FOLH1: variants seen among roughly 807,000 people sequenced by gnomAD.
FOLH1 encodes the protein glutamate carboxypeptidase 2.
In FOLH1, 54 loss-of-function variants were observed where a neutral mutation model predicts 93.9. The observed-to-expected ratio is 0.57, with a 90% CI of 0.46 to 0.72. The LOEUF is 0.72. Ranked by LOEUF, FOLH1 falls within the 30% of genes least tolerant of loss-of-function variation. The pLI, the probability that FOLH1 is intolerant of heterozygous loss-of-function variation, is 0.00. For synonymous variants in FOLH1, 249 were observed against 303.6 expected (o/e 0.82, Z 1.87); for missense variants, 571 against 892.5 (o/e 0.64, Z 4.59).
At chr11:49,177,871 G>A (rs1183666954) in intron 7 of FOLH1, among the ~76,000 whole-genome samples, 1 of 151,472 alleles carries the variant, frequency 6.6e-6, no homozygotes, top group Non-Finnish European at 1.5e-5. Context: ...GCTGAGGCAG[G>A]AGAATCACTT....
At chr11:49,188,283 G>A (rs1239486465) in intron 4 of FOLH1, among the ~76,000 whole-genome samples, 1 of 152,088 alleles carries the variant, frequency 6.6e-6, no homozygotes, top group Non-Finnish European at 1.5e-5. Flanking sequence ...GGGAGGCTGG[G>A]TTGGGTGGAT....
At position 49,183,234 on chromosome 11, in the gene FOLH1, A is replaced by G. The variant is rs1406675812; in HGVS notation, c.835T>C (p.Tyr279His). ...TPGYPANEYA[Y>H]RRGIAEAVGL... ...ACAGCCTCTGCAATTCCACGCCTATAAGCATATTCTGAAAAAAAAAATTGC... is the reference window on the plus strand; with the variant it reads ...ACAGCCTCTGCAATTCCACGCCTATGAGCATATTCTGAAAAAAAAAATTGC... Residue 279 changes from tyrosine to histidine, a missense_variant, in exon 7 of 19, where the codon TAT becomes CAT. This residue lies in a region of FOLH1 where 500 missense variants were observed against 822.9 expected (regional missense o/e 0.61). Transcript: ENST00000256999. The G allele has an allele frequency of 6.2e-7, 1 of 1,609,220 alleles. No individual in the cohort carries two copies. The highest frequency in any genetic ancestry group is 1.7e-5 in the Admixed American group (1 of 59,068).
intron 17 of FOLH1, among the ~76,000 whole-genome samples, chr11:49,151,178 G>T (rs1238137029): frequency 6.6e-6 from 1 of 152,146 alleles, no homozygotes; most frequent in East Asian, 1.9e-4. Flanking sequence ...CCATAATTTG[G>T]ATTTGAGCTA....
At chr11:49,187,429 C>T (rs921161036) in intron 4 of FOLH1, among the ~76,000 whole-genome samples, 3 of 152,042 alleles carry the variant, frequency 2.0e-5, no homozygotes, top group Non-Finnish European at 4.4e-5. Context: ...CTTTAAGTAG[C>T]TGCAAAGCAT....
At chr11:49,178,468 C>A (rs2135137432) in intron 7 of FOLH1, among the ~76,000 whole-genome samples, 1 of 151,904 alleles carries the variant, frequency 6.6e-6, no homozygotes, top group East Asian at 1.9e-4. Context: ...AATATAAAAC[C>A]ACGATTGTAG....
At chr11:49,169,510 G>A (rs1363789866) in intron 11 of FOLH1, among the ~76,000 whole-genome samples, 1 of 152,146 alleles carries the variant, frequency 6.6e-6, no homozygotes, top group Non-Finnish European at 1.5e-5. Context: ...CTTATGGTAA[G>A]TGGAAAATGA....
At chr11:49,154,906 T>C (rs1450418381) in intron 15 of FOLH1, among the ~76,000 whole-genome samples, 1 of 152,020 alleles carries the variant, frequency 6.6e-6, no homozygotes, top group Non-Finnish European at 1.5e-5. Flanking sequence ...CTAAATTGCT[T>C]AATCACTAAA....
intron 15 of FOLH1, among the ~76,000 whole-genome samples, chr11:49,154,818 C>T (rs368894242): frequency 6.6e-6 from 1 of 152,020 alleles, no homozygotes; most frequent in East Asian, 1.9e-4. Context: ...ACAAGACAAT[C>T]TTGCATTTGG....
intron 3 of FOLH1, among the ~76,000 whole-genome samples, chr11:49,193,354 T>C (rs1590658325): frequency 1.3e-5 from 2 of 152,182 alleles, no homozygotes; most frequent in South Asian, 4.1e-4. Flanking sequence ...AAATATGTAG[T>C]TGCTTCACAG....
At chr11:49,197,786 A>G (rs529508924) in intron 3 of FOLH1, among the ~76,000 whole-genome samples, 21 of 152,208 alleles carry the variant, frequency 1.4e-4, no homozygotes, top group Admixed American at 3.9e-4. Context: ...CAATGTCAAT[A>G]GATAATGCCT....
chr11:49,193,737 G>A (rs1295200988), intron 3 of FOLH1, among the ~76,000 whole-genome samples: 2 of 152,178 alleles, frequency 1.3e-5, no homozygotes, highest in Non-Finnish European at 2.9e-5. Context: ...GAGGTAGCAC[G>A]AAATTTGGCT....
intron 7 of FOLH1, among the ~76,000 whole-genome samples, chr11:49,176,391 G>T (rs938864654): frequency 6.6e-6 from 1 of 152,118 alleles, no homozygotes; most frequent in Admixed American, 6.5e-5. Flanking sequence ...CTACTAAGAA[G>T]ACAGGAGGAT....
At chr11:49,188,525 AAAAG>A (rs1003872215) in intron 4 of FOLH1, among the ~76,000 whole-genome samples, 1 of 151,772 alleles carries the variant, frequency 6.6e-6, no homozygotes, top group African/African-American at 2.4e-5. Flanking sequence ...AAAAAAAAAA[AAAAG>A]ATAGATTAAG....
chr11:49,153,434 T>C (rs1856678428), intron 17 of FOLH1, among the ~76,000 whole-genome samples: 1 of 151,548 alleles, frequency 6.6e-6, no homozygotes, highest in Non-Finnish European at 1.5e-5. Context: ...GTACAGATAC[T>C]GAAAAAGCAA....
chr11:49,207,643 A>G (rs2135363958), intron 1 of FOLH1: 11 of 319,946 alleles, frequency 3.4e-5, no homozygotes, highest in South Asian at 2.8e-4. Context: ...TAATTTGCAG[A>G]TAATATTATC....
At chr11:49,178,892 T>G (rs1860405582) in intron 7 of FOLH1, among the ~76,000 whole-genome samples, 1 of 152,202 alleles carries the variant, frequency 6.6e-6, no homozygotes, top group Admixed American at 6.5e-5. Flanking sequence ...AGACTTGTTG[T>G]CTACTATGTT....
At chr11:49,198,248 G>A (rs532285250) in intron 3 of FOLH1, among the ~76,000 whole-genome samples, 27 of 152,190 alleles carry the variant, frequency 1.8e-4, no homozygotes, top group Admixed American at 8.5e-4. Flanking sequence ...TTGGGAGGCC[G>A]AGGCGGGTGG....
chr11:49,185,805 G>A lies in FOLH1; in HGVS notation c.690C>T (p.Asp230=). 1 of 1,602,678 alleles carries A rather than the reference G, an allele frequency of 6.2e-7. No homozygotes were observed. The highest frequency in any genetic ancestry group is 8.5e-7 in the Non-Finnish European group (1 of 1,175,898). Residue 230 remains aspartate, a synonymous_variant, in exon 6 of 19, where the codon GAC becomes GAT. Transcript: ENST00000256999. ...CCCCAGGAGCAAAGTAGTCAGCAGG[G>A]TCGGAGTAGAGAATGACTCCTTTGG... is the stretch of plus-strand genomic sequence containing the variant. ...AGAKGVILYS[D]PADYFAPGVK...
chr11:49,195,111 T>C (rs1171773184), intron 3 of FOLH1, among the ~76,000 whole-genome samples: 1 of 152,078 alleles, frequency 6.6e-6, no homozygotes, highest in East Asian at 1.9e-4. Context: ...ATCAAATACA[T>C]GTTTTTCCCA....
Sources: gnomAD v4.1 joint callset for allele counts (sites outside exome capture counted in the v4.1 genomes callset) on GRCh38, gnomAD v4.1.1 for gene constraint, gnomAD v4.1.1 regional missense constraint, MANE v1.5 for transcripts, NCBI Gene and HGNC (gene_info 2026-07-23, HGNC 2026-07-21) for gene names.